PTPN9: variants seen among roughly 807,000 people sequenced by gnomAD.
PTPN9 encodes tyrosine-protein phosphatase non-receptor type 9.
In PTPN9, 26 loss-of-function variants were observed where a neutral mutation model predicts 69.8. The ratio of observed to expected loss-of-function variants is 0.37; its 90% CI spans 0.27 to 0.52. The LOEUF (loss-of-function observed/expected upper bound fraction) is 0.52, where lower values mean the gene tolerates loss of function less well. PTPN9 is among the 20% of genes least tolerant of loss of function. The pLI is 0.91. For synonymous variants in PTPN9, 274 were observed against 272.5 expected, an observed-to-expected ratio of 1.01 and a Z score of -0.05; for missense variants, 549 against 740.3, an observed-to-expected ratio of 0.74 and a Z score of 3.00.
chr15:75,557,362 T>C (rs1465048141), intron 1 of PTPN9, among the ~76,000 whole-genome samples: 4 of 151,382 alleles, frequency 2.6e-5, no homozygotes, highest in Non-Finnish European at 5.9e-5. Flanking sequence ...GAGGCGGAGG[T>C]TGTAGAGGGC....
chr15:75,542,352 G>C (rs1017155481), intron 1 of PTPN9, among the ~76,000 whole-genome samples: 1 of 152,164 alleles, frequency 6.6e-6, no homozygotes, highest in Non-Finnish European at 1.5e-5. Context: ...CATGAAGAAA[G>C]GCCTAACACC....
intron 8 of PTPN9, among the ~76,000 whole-genome samples, chr15:75,488,014 C>T (rs1483878719): frequency 6.6e-6 from 1 of 152,230 alleles, no homozygotes; most frequent in Non-Finnish European, 1.5e-5. Flanking sequence ...GGCGCAGTGG[C>T]TCATGCCTGT....
intron 1 of PTPN9, among the ~76,000 whole-genome samples, chr15:75,566,719 G>T (rs899928387): frequency 5.3e-5 from 8 of 151,878 alleles, no homozygotes; most frequent in Admixed American, 5.3e-4. Context: ...TGGGCACAGT[G>T]GTTCATGCCT....
intron 1 of PTPN9, among the ~76,000 whole-genome samples, chr15:75,553,121 A>G (rs910695385): frequency 4.6e-5 from 7 of 152,150 alleles, no homozygotes; most frequent in Non-Finnish European, 1.5e-5. Context: ...AGAAAAGGTA[A>G]TATTTGTAAA....
chr15:75,547,261 C>T (rs2075037075), intron 1 of PTPN9, among the ~76,000 whole-genome samples: 1 of 135,132 alleles, frequency 7.4e-6, no homozygotes, highest in Admixed American at 8.4e-5. Context: ...CACCACTGCA[C>T]TTCAGCTTGG....
chr15:75,549,804 G>A lies in PTPN9; in HGVS notation c.64-22543C>T, dbSNP rs893294832. ...AGCCTAAGCAACATGGCAAGCCCTCGTCTCTACTAAAATTAAAAAATTAGC... is the reference window on the plus strand; with the variant it reads ...AGCCTAAGCAACATGGCAAGCCCTCATCTCTACTAAAATTAAAAAATTAGC... On this transcript the variant is annotated intron_variant, in intron 1 of 12. Coordinates refer to ENST00000618819, the MANE Select transcript of PTPN9 (RefSeq NM_002833.4). Among the ~76,000 whole-genome samples, 5 of 152,078 alleles carry A rather than the reference G, an allele frequency of 3.3e-5. No individual in the cohort carries two copies. In the East Asian group the frequency reaches 5.8e-4, roughly 18 times the overall value.
chr15:75,530,770 AAT>A (rs1217628945), intron 1 of PTPN9, among the ~76,000 whole-genome samples: 1 of 79,822 alleles, frequency 1.3e-5, no homozygotes, highest in African/African-American at 5.2e-5. Context: ...ATATTATTAT[AAT>A]TATTATAATA....
At chr15:75,499,413 T>A (rs2074761213) in intron 7 of PTPN9, among the ~76,000 whole-genome samples, 2 of 144,700 alleles carry the variant, frequency 1.4e-5, no homozygotes, top group African/African-American at 2.6e-5. Context: ...TTTTTTTTTT[T>A]TTTTTTTTTT....
intron 4 of PTPN9, among the ~76,000 whole-genome samples, chr15:75,519,357 G>A (rs886180279): frequency 2.6e-5 from 4 of 151,970 alleles, no homozygotes; most frequent in African/African-American, 4.8e-5. Context: ...CACCCACGTC[G>A]GCCTCCCAAA....
chr15:75,489,870 T>C (rs1359196616), intron 8 of PTPN9, among the ~76,000 whole-genome samples: 1 of 152,176 alleles, frequency 6.6e-6, no homozygotes, highest in Non-Finnish European at 1.5e-5. Context: ...TTGATGCATA[T>C]ATACTCACCA....
intron 1 of PTPN9, among the ~76,000 whole-genome samples, chr15:75,530,534 ATAT>A (rs1258986032): frequency 2.7e-4 from 11 of 40,010 alleles, no homozygotes; most frequent in East Asian, 2.1e-3. Flanking sequence ...TTATTATATA[ATAT>A]TATTATATTA....
chr15:75,548,448 G>A (rs937470453), intron 1 of PTPN9, among the ~76,000 whole-genome samples: 1 of 151,146 alleles, frequency 6.6e-6, no homozygotes, highest in East Asian at 2.0e-4. Context: ...TAGAGATAGG[G>A]TTTTGCCATG....
chr15:75,509,477 T>G (rs1025637219), intron 5 of PTPN9, among the ~76,000 whole-genome samples: 1 of 152,120 alleles, frequency 6.6e-6, no homozygotes, highest in African/African-American at 2.4e-5. Context: ...TCACCAGAGG[T>G]TGGGAGTTCA....
At chr15:75,523,340 A>G in intron 3 of PTPN9, 95 bp from the exon 4 acceptor site, 2 of 1,343,052 alleles carry the variant, frequency 1.5e-6, no homozygotes, top group Non-Finnish European at 2.0e-6. Context: ...TGATACATGT[A>G]GAAAACAGAT....
chr15:75,478,204 C>T (rs2141290485), intron 9 of PTPN9, among the ~76,000 whole-genome samples: 1 of 151,776 alleles, frequency 6.6e-6, no homozygotes, highest in South Asian at 2.1e-4. Context: ...CTCCTGGGTT[C>T]AAGCGATTCT....
intron 4 of PTPN9, among the ~76,000 whole-genome samples, chr15:75,520,437 A>G (rs1408617289): frequency 7.1e-6 from 1 of 140,262 alleles, no homozygotes; most frequent in African/African-American, 2.8e-5. Flanking sequence ...TAGGGTATAG[A>G]ATAGATAGAT....
chr15:75,475,147 A>C (rs1296317874), intron 9 of PTPN9, among the ~76,000 whole-genome samples: 1 of 152,220 alleles, frequency 6.6e-6, no homozygotes, highest in African/African-American at 2.4e-5. Context: ...CTCACTAAAC[A>C]TGGTCCTAAG....
intron 4 of PTPN9, among the ~76,000 whole-genome samples, chr15:75,520,436 GAATA>G (rs1448348453): frequency 9.0e-6 from 1 of 111,426 alleles, no homozygotes; most frequent in African/African-American, 3.2e-5. Flanking sequence ...TTAGGGTATA[GAATA>G]GATAGATAGA....
chr15:75,578,765 C>A lies in PTPN9; in HGVS notation c.12G>T (p.Ala4=). 3.1e-6 allele frequency: 4 copies of A among 1,276,100 alleles called. No individual in the cohort carries two copies. In the South Asian group the frequency reaches 1.0e-4, roughly 33 times the overall value. 79.0% of individuals were successfully genotyped at this position (1,276,100 alleles called of 1,614,324 possible). Residue 4 remains alanine (A), a synonymous_variant, in exon 1 of 13, where the codon GCG becomes GCT. Transcript: ENST00000618819. MEP[A]TAPRPDMAPE... Reference sequence around the variant, plus strand: ...GCGCCATGTCGGGCCGGGGCGCGGTCGCGGGCTCCATCCCCCCGCCACCGC... The same window carrying A: ...GCGCCATGTCGGGCCGGGGCGCGGTAGCGGGCTCCATCCCCCCGCCACCGC...
Sources: gnomAD v4.1 joint callset for allele counts (sites outside exome capture counted in the v4.1 genomes callset) on GRCh38, gnomAD v4.1.1 for gene constraint, MANE v1.5 for transcripts, NCBI Gene and HGNC (gene_info 2026-07-23, HGNC 2026-07-21) for gene names.